The following LIN28B variants were observed in gnomAD, a reference collection of about 807,000 sequenced individuals.
The protein encoded by LIN28B is protein lin-28 homolog B.
A neutral mutation model predicts 21.9 loss-of-function variants in LIN28B; 5 were observed. The ratio of observed to expected loss-of-function variants is 0.23; its 90% CI spans 0.12 to 0.48. The LOEUF (loss-of-function observed/expected upper bound fraction) is 0.48. Ranked by LOEUF, LIN28B falls within the 20% of genes least tolerant of loss-of-function variation. The pLI, the probability that LIN28B is intolerant of heterozygous loss-of-function variation, is 0.98. For missense variants in LIN28B, 245 were observed against 310.5 expected (o/e 0.79, Z 1.58); for synonymous variants, 109 against 111.3 (o/e 0.98, Z 0.13).
intron 2 of LIN28B, among the ~76,000 whole-genome samples, chr6:105,002,255 A>G (rs1310441366): frequency 6.7e-6 from 1 of 149,646 alleles, no homozygotes; most frequent in Admixed American, 6.7e-5. Flanking sequence ...CTCCTGTGGC[A>G]TATAAGATCC....
At chr6:105,068,565 T>TCA (rs1772264984) in intron 3 of LIN28B, among the ~76,000 whole-genome samples, 1 of 152,176 alleles carries the variant, frequency 6.6e-6, no homozygotes, top group Non-Finnish European at 1.5e-5. Context: ...CACAGGCTGA[T>TCA]CCCTGCTTGT....
chr6:104,953,465 G>C (rs559857554), upstream of LIN28B, among the ~76,000 whole-genome samples: 5 of 152,298 alleles, frequency 3.3e-5, no homozygotes, highest in African/African-American at 1.2e-4. Flanking sequence ...TAGGTTGTGC[G>C]TAGTGTTTTT....
chr6:104,942,573 T>C (rs1778109411), intron 2 of LIN28B, among the ~76,000 whole-genome samples: 1 of 152,144 alleles, frequency 6.6e-6, no homozygotes, highest in African/African-American at 2.4e-5. Flanking sequence ...AGGAGTCATA[T>C]GATAAATTAA....
intron 2 of LIN28B, among the ~76,000 whole-genome samples, chr6:104,986,100 C>T (rs1343157580): frequency 3.3e-5 from 5 of 152,068 alleles, no homozygotes; most frequent in Non-Finnish European, 1.5e-5. Flanking sequence ...GGTGAGTTCT[C>T]ATGAGACCTG....
chr6:104,950,673 A>G (rs1261016443), intron 3 of LIN28B, among the ~76,000 whole-genome samples: 1 of 152,106 alleles, frequency 6.6e-6, no homozygotes, highest in Non-Finnish European at 1.5e-5. Context: ...TGATCACTCC[A>G]TCTAAAAAAC....
At chr6:105,032,853 T>G (rs950250145) in intron 3 of LIN28B, among the ~76,000 whole-genome samples, 1 of 152,322 alleles carries the variant, frequency 6.6e-6, no homozygotes, top group Non-Finnish European at 1.5e-5. Context: ...CCTCATATAC[T>G]CTTTGACAAA....
chr6:104,979,369 G>A lies in LIN28B; in HGVS notation c.198+21083G>A, dbSNP rs555223023. On this transcript the variant is annotated intron_variant, in intron 2 of 3. Transcript: ENST00000345080. ...ATTACAGGTGTGCGCCACCACGCCC[G>A]GCTAATTTTTGTATTTTTAGTAGAG... Among the ~76,000 whole-genome samples, 19 of 151,858 alleles carry A rather than the reference G, an allele frequency of 1.3e-4. 1 individual carries two copies. The highest frequency in any genetic ancestry group is 2.4e-4 in the Non-Finnish European group (16 of 67,920).
intron 2 of LIN28B, among the ~76,000 whole-genome samples, chr6:105,003,630 A>G (rs2114295066): frequency 6.6e-6 from 1 of 151,908 alleles, no homozygotes; most frequent in South Asian, 2.1e-4. Flanking sequence ...CTCCTGCCTC[A>G]GCTTCCCAAG....
intron 2 of LIN28B, among the ~76,000 whole-genome samples, chr6:104,937,482 C>T (rs1778023789): frequency 6.6e-6 from 1 of 151,948 alleles, no homozygotes; most frequent in Non-Finnish European, 1.5e-5. Flanking sequence ...TCAGTCTGGT[C>T]TCCAACTCCT....
intron 2 of LIN28B, among the ~76,000 whole-genome samples, chr6:104,992,070 GT>G (rs769165536): frequency 2.8e-4 from 41 of 144,540 alleles, no homozygotes; most frequent in Admixed American, 4.1e-4. Context: ...TTCACATCTT[GT>G]TTTTTTTTTT....
chr6:105,070,592 C>CCACACACACACA (rs752057191), intron 3 of LIN28B, among the ~76,000 whole-genome samples: 5,306 of 92,146 alleles, frequency 0.058, 409 homozygotes, highest in Middle Eastern at 0.09. Context: ...ATCAATAAAA[C>CCACACACACACA]CACACACACA....
At chr6:104,939,420 G>A (rs1778053852) in intron 2 of LIN28B, 1 of 152,200 alleles carries the variant, frequency 6.6e-6, no homozygotes, top group Non-Finnish European at 1.5e-5. Flanking sequence ...TGCTGAAGGT[G>A]GTAGCCAATG....
At chr6:105,007,629 A>G (rs1354512609) in intron 2 of LIN28B, among the ~76,000 whole-genome samples, 1 of 149,932 alleles carries the variant, frequency 6.7e-6, no homozygotes, top group Non-Finnish European at 1.5e-5. Context: ...GGCTGAAGAG[A>G]TCCTCCCACC....
chr6:104,953,532 C>G (rs1778247079), upstream of LIN28B, among the ~76,000 whole-genome samples: 1 of 152,122 alleles, frequency 6.6e-6, no homozygotes, highest in South Asian at 2.1e-4. Flanking sequence ...GACAAGATGA[C>G]AAATGTAAAA....
intron 2 of LIN28B, among the ~76,000 whole-genome samples, chr6:104,972,023 T>C (rs1232890213): frequency 3.3e-5 from 5 of 152,190 alleles, no homozygotes; most frequent in Non-Finnish European, 7.3e-5. Flanking sequence ...CAGGCTGTAG[T>C]GCAGTGGCGC....
At chr6:105,052,924 T>C (rs1771936768) in intron 3 of LIN28B, among the ~76,000 whole-genome samples, 1 of 152,074 alleles carries the variant, frequency 6.6e-6, no homozygotes, top group Non-Finnish European at 1.5e-5. Context: ...TTACTTTTGG[T>C]TTATTTTTCT....
chr6:105,005,604 G>T (rs1562089698), intron 2 of LIN28B, among the ~76,000 whole-genome samples: 1 of 148,702 alleles, frequency 6.7e-6, no homozygotes, highest in African/African-American at 2.5e-5. Context: ...TCGTCCCTTG[G>T]CTCTCTCTCT....
intron 2 of LIN28B, among the ~76,000 whole-genome samples, chr6:104,985,118 A>G (rs1770308125): frequency 6.6e-6 from 1 of 151,424 alleles, no homozygotes; most frequent in South Asian, 2.1e-4. Context: ...GACAAACTGT[A>G]GGGGAGGGAA....
At chr6:105,075,208 A>G (rs2114422161) in intron 3 of LIN28B, among the ~76,000 whole-genome samples, 1 of 152,338 alleles carries the variant, frequency 6.6e-6, no homozygotes, top group Admixed American at 6.5e-5. Flanking sequence ...CTAAAAATGG[A>G]CACACATGAT....
Sources: gnomAD v4.1 joint callset for allele counts (sites outside exome capture counted in the v4.1 genomes callset) on GRCh38, gnomAD v4.1.1 for gene constraint, MANE v1.5 for transcripts, NCBI Gene and HGNC (gene_info 2026-07-23, HGNC 2026-07-21) for gene names.